The following ADGRL3 variants were observed in gnomAD, a reference collection of about 807,000 sequenced individuals.
ADGRL3 encodes adhesion G protein-coupled receptor L3.
A neutral mutation model predicts 153.5 loss-of-function variants in ADGRL3; 62 were observed. That is an observed-to-expected ratio of 0.40 (90% CI 0.33 to 0.50). The LOEUF (loss-of-function observed/expected upper bound fraction) is 0.50. Ranked by LOEUF, ADGRL3 falls within the 20% of genes least tolerant of loss-of-function variation. The pLI is 0.47. For synonymous variants in ADGRL3, 710 were observed against 672.5 expected (o/e 1.06, Z -0.86); for missense variants, 1,641 against 1,859.4 (o/e 0.88, Z 2.16).
At chr4:61,646,656 T>C (rs2150308002) in intron 5 of ADGRL3, among the ~76,000 whole-genome samples, 1 of 152,190 alleles carries the variant, frequency 6.6e-6, no homozygotes, top group Non-Finnish European at 1.5e-5. Context: ...AGCTGCGTGC[T>C]GGGAGAACCA....
At chr4:61,803,632 C>G (rs917055669) in intron 8 of ADGRL3, among the ~76,000 whole-genome samples, 2 of 151,914 alleles carry the variant, frequency 1.3e-5, no homozygotes, top group Non-Finnish European at 2.9e-5. Flanking sequence ...TCATTTATTC[C>G]TACGTTAACT....
intron 17 of ADGRL3, among the ~76,000 whole-genome samples, chr4:61,952,698 G>T (rs1213809975): frequency 6.6e-6 from 1 of 152,016 alleles, no homozygotes; most frequent in Admixed American, 6.6e-5. Flanking sequence ...AGCAAGATTG[G>T]CTATATATTA....
In ADGRL3 at chr4:61,516,515, A is replaced by G. The variant is rs116267847; in HGVS notation, c.56-800A>G. 1.2e-3 allele frequency among the ~76,000 whole-genome samples: 190 copies of G among 152,166 alleles called. 1 individual carries two copies. Among genetic ancestry groups the G allele is most frequent in the African/African-American group, 4.3e-3 (179 of 41,542 alleles). On this transcript the variant is annotated intron_variant, in intron 3 of 26. Coordinates refer to ENST00000683033, the MANE Select transcript of ADGRL3 (RefSeq NM_001387552.1). ...CTCATGTATCAATTTATCAAAAAAA[A>G]TCCTATATTTAAATATCTCTTTTCA...
intron 8 of ADGRL3, among the ~76,000 whole-genome samples, chr4:61,808,941 T>TA (rs2097579511): frequency 6.6e-6 from 1 of 152,044 alleles, no homozygotes; most frequent in Admixed American, 6.6e-5. Flanking sequence ...AGATATAACT[T>TA]ACTAACATCC....
intron 4 of ADGRL3, among the ~76,000 whole-genome samples, chr4:61,585,303 C>A (rs2098941882): frequency 6.6e-6 from 1 of 151,858 alleles, no homozygotes. Flanking sequence ...CCTACTTTTT[C>A]AAAAATATCA....
intron 4 of ADGRL3, among the ~76,000 whole-genome samples, chr4:61,577,398 A>G (rs2098893745): frequency 6.6e-6 from 1 of 152,050 alleles, no homozygotes; most frequent in Admixed American, 6.6e-5. Flanking sequence ...ATTCTTCACT[A>G]AGTTTCTTCT....
At chr4:61,569,054 A>G (rs1560857662) in intron 4 of ADGRL3, among the ~76,000 whole-genome samples, 1 of 152,008 alleles carries the variant, frequency 6.6e-6, no homozygotes, top group Non-Finnish European at 1.5e-5. Context: ...GACTTTTTTC[A>G]TTATGTGTGG....
chr4:61,215,615 G>C lies in ADGRL3; in HGVS notation c.-240+13850G>C, dbSNP rs186685476. On this transcript the variant is annotated intron_variant, in intron 1 of 26. Transcript: ENST00000683033. ...TTCTCAGGTTGGAGTGCAGTGGCCC[G>C]ATCTCGGCTCCCTGCAAGCTCCGCC... 3.7e-3 allele frequency among the ~76,000 whole-genome samples: 474 copies of C among 128,508 alleles called. 2 individuals carry two copies. The highest frequency in any genetic ancestry group is 3.9e-3 in the Non-Finnish European group (254 of 64,466). The allele number at this position is 128,508 out of a possible 152,430, so 84.3% of individuals were successfully genotyped here.
intron 1 of ADGRL3, among the ~76,000 whole-genome samples, chr4:61,328,121 G>T (rs926678968): frequency 1.3e-4 from 20 of 152,008 alleles, no homozygotes; most frequent in Admixed American, 7.2e-4. Flanking sequence ...TTCCAAACTG[G>T]GTTGCTTCTA....
chr4:61,719,687 C>T (rs1012964475), intron 6 of ADGRL3, among the ~76,000 whole-genome samples: 21 of 151,474 alleles, frequency 1.4e-4, no homozygotes, highest in African/African-American at 3.2e-4. Flanking sequence ...CTGCAACCTC[C>T]GCCTCCCAGA....
chr4:61,450,403 T>C (rs1021064329), intron 2 of ADGRL3, among the ~76,000 whole-genome samples: 69 of 152,288 alleles, frequency 4.5e-4, no homozygotes, highest in African/African-American at 1.6e-3. Flanking sequence ...GTCATACATT[T>C]ACCCATTTGT....
At chr4:61,243,376 T>G (rs1244756575) in intron 1 of ADGRL3, among the ~76,000 whole-genome samples, 1 of 151,962 alleles carries the variant, frequency 6.6e-6, no homozygotes, top group East Asian at 1.9e-4. Flanking sequence ...ACTGTGAAAT[T>G]TTACACTTTC....
chr4:61,646,979 T>C (rs1232581670), intron 5 of ADGRL3, among the ~76,000 whole-genome samples: 1 of 152,188 alleles, frequency 6.6e-6, no homozygotes, highest in African/African-American at 2.4e-5. Flanking sequence ...AATCTCCTGG[T>C]GCGCCGTTTT....
At chr4:61,206,615 G>A (rs543436602) in intron 1 of ADGRL3, among the ~76,000 whole-genome samples, 1 of 152,290 alleles carries the variant, frequency 6.6e-6, no homozygotes, top group African/African-American at 2.4e-5. Context: ...ATGTTCTTAT[G>A]TATTCTCAAG....
chr4:61,831,118 A>AC (rs1195161986), intron 9 of ADGRL3, among the ~76,000 whole-genome samples: 2 of 151,436 alleles, frequency 1.3e-5, no homozygotes, highest in Non-Finnish European at 2.9e-5. Flanking sequence ...CAAATGCCTG[A>AC]CCTCAAGGGA....
chr4:61,470,531 C>T (rs781321750), intron 2 of ADGRL3, among the ~76,000 whole-genome samples: 1 of 151,872 alleles, frequency 6.6e-6, no homozygotes, highest in Non-Finnish European at 1.5e-5. Context: ...TTATTTGCTT[C>T]TTTATAGATA....
chr4:61,241,251 G>C (rs1284321451), intron 1 of ADGRL3, among the ~76,000 whole-genome samples: 2 of 151,900 alleles, frequency 1.3e-5, no homozygotes, highest in Non-Finnish European at 2.9e-5. Flanking sequence ...TAAAGAGATA[G>C]GATGATTTGA....
intron 2 of ADGRL3, among the ~76,000 whole-genome samples, chr4:61,438,982 C>G (rs539323161): frequency 6.6e-6 from 1 of 152,090 alleles, no homozygotes; most frequent in South Asian, 2.1e-4. Flanking sequence ...GCGGTTGTTA[C>G]GATCTTAAGA....
intron 2 of ADGRL3, among the ~76,000 whole-genome samples, chr4:61,419,828 C>G (rs149042018): frequency 1.4e-5 from 2 of 146,192 alleles, no homozygotes; most frequent in East Asian, 4.0e-4. Flanking sequence ...GAGTTTTGCT[C>G]TCGTCACCTA....
Sources: gnomAD v4.1 joint callset for allele counts (sites outside exome capture counted in the v4.1 genomes callset) on GRCh38, gnomAD v4.1.1 for gene constraint, MANE v1.5 for transcripts, NCBI Gene and HGNC (gene_info 2026-07-23, HGNC 2026-07-21) for gene names.